SESTD1: variants seen among roughly 807,000 people sequenced by gnomAD.
The protein encoded by SESTD1 is SEC14 domain and spectrin repeat-containing protein 1.
Under a neutral mutation model 101.7 loss-of-function variants are expected in SESTD1, and 43 were observed. That is an observed-to-expected ratio of 0.42 (90% CI 0.33 to 0.55). SESTD1 has a LOEUF of 0.55. Ranked by LOEUF, SESTD1 falls within the 20% of genes least tolerant of loss-of-function variation. SESTD1 has a pLI of 0.07. For missense variants in SESTD1, 647 were observed against 815.1 expected (o/e 0.79, Z 2.51); for synonymous variants, 283 against 286.8 (o/e 0.99, Z 0.13).
intron 10 of SESTD1, among the ~76,000 whole-genome samples, chr2:179,128,566 T>C (rs1212973314): frequency 6.6e-6 from 1 of 151,806 alleles, no homozygotes; most frequent in Non-Finnish European, 1.5e-5. Context: ...CCGTCTCTAC[T>C]AAAAATACAA....
At chr2:179,151,420 T>C (rs757794386) in intron 5 of SESTD1, 29 bp from the exon 6 acceptor site, 2 of 1,516,582 alleles carry the variant, frequency 1.3e-6, no homozygotes, top group Admixed American at 4.0e-5. Flanking sequence ...AAAAGAAACA[T>C]TTAGTAACCC....
intron 1 of SESTD1, among the ~76,000 whole-genome samples, chr2:179,229,749 T>TTGAGTATATATATATA (rs1491118463): frequency 1.1e-4 from 12 of 106,362 alleles, no homozygotes; most frequent in African/African-American, 4.0e-4. Flanking sequence ...TTGTAAGAAC[T>TTGAGTATATATATATA]TATATATATA....
chr2:179,159,641 T>G (rs983750781), intron 5 of SESTD1, among the ~76,000 whole-genome samples: 3 of 152,226 alleles, frequency 2.0e-5, no homozygotes, highest in Non-Finnish European at 2.9e-5. Flanking sequence ...TGATTTTCTA[T>G]AAATTGTTTC....
At chr2:179,182,939 A>G (rs974984426) in intron 3 of SESTD1, 141 bp downstream of exon 3, 2 of 520,390 alleles carry the variant, frequency 3.8e-6, no homozygotes, top group Non-Finnish European at 3.3e-6. Context: ...GTTATAAGTC[A>G]TTGATTTTAG....
At chr2:179,196,949 C>T (rs113542039) in intron 1 of SESTD1, among the ~76,000 whole-genome samples, 8,475 of 152,298 alleles carry the variant, frequency 0.056, 303 homozygotes, top group South Asian at 0.091. Context: ...CGGAACAAAG[C>T]TGGACGGAGA....
At chr2:179,164,955 T>G (rs1456366343) in intron 5 of SESTD1, among the ~76,000 whole-genome samples, 1 of 152,202 alleles carries the variant, frequency 6.6e-6, no homozygotes, top group African/African-American at 2.4e-5. Context: ...TTTAAATATT[T>G]ACAAACACAG....
At chr2:179,232,083 A>G (rs1028079461) in intron 1 of SESTD1, among the ~76,000 whole-genome samples, 6 of 152,100 alleles carry the variant, frequency 3.9e-5, no homozygotes, top group African/African-American at 1.4e-4. Context: ...ATGGACATCA[A>G]TATTGACCAA....
At chr2:179,229,964 T>C (rs1000746839) in intron 1 of SESTD1, among the ~76,000 whole-genome samples, 2 of 150,404 alleles carry the variant, frequency 1.3e-5, no homozygotes, top group African/African-American at 4.9e-5. Flanking sequence ...GCCCTGCTCA[T>C]AGTCACACAT....
chr2:179,116,875 CAT>C, intron 14 of SESTD1, 85 bp from the exon 15 acceptor site: 4 of 1,495,374 alleles, frequency 2.7e-6, no homozygotes, highest in Non-Finnish European at 2.7e-6. Flanking sequence ...AGATTACTAT[CAT>C]GTGATTAATA....
intron 2 of SESTD1, among the ~76,000 whole-genome samples, chr2:179,186,906 T>A (rs961910996): frequency 6.6e-6 from 1 of 152,094 alleles, no homozygotes; most frequent in African/African-American, 2.4e-5. Context: ...GGGAACCCTG[T>A]CAGGCTAACA....
At chr2:179,190,721 C>G (rs752089082) in intron 2 of SESTD1, among the ~76,000 whole-genome samples, 2 of 152,060 alleles carry the variant, frequency 1.3e-5, no homozygotes, top group Non-Finnish European at 2.9e-5. Flanking sequence ...AAAAAGTGGG[C>G]AAAGGACATG....
chr2:179,210,701 T>C (rs2046639853), intron 1 of SESTD1, among the ~76,000 whole-genome samples: 1 of 134,802 alleles, frequency 7.4e-6, no homozygotes, highest in Non-Finnish European at 1.6e-5. Flanking sequence ...ATAAAAGCCT[T>C]CTATGATAAA....
intron 1 of SESTD1, among the ~76,000 whole-genome samples, chr2:179,194,617 C>A (rs1292385007): frequency 6.6e-6 from 1 of 152,086 alleles, no homozygotes; most frequent in Admixed American, 6.6e-5. Flanking sequence ...CCTGGGAGAA[C>A]GGCAATGCCT....
At position 179,215,837 on chromosome 2, in the gene SESTD1, T is replaced by C. The variant is rs1461308816; in HGVS notation, c.-25-23971A>G. Among the ~76,000 whole-genome samples, 8 of 135,330 alleles carry C rather than the reference T, an allele frequency of 5.9e-5. 3 individuals are homozygous for C. Among genetic ancestry groups the C allele is most frequent in the Non-Finnish European group, 1.1e-4 (7 of 62,894 alleles). The allele number at this position is 135,330 out of a possible 152,430, so 88.8% of individuals were successfully genotyped here. ...CCTGAGATGCAAGTCTGGTTCATCA[T>C]ATGCAAATCAATAAACGTAATCCAT... is the stretch of plus-strand genomic sequence containing the variant. On this transcript the variant is annotated intron_variant, in intron 1 of 17. Coordinates refer to ENST00000428443, the MANE Select transcript of SESTD1 (RefSeq NM_178123.5).
At chr2:179,133,699 G>A (rs1034768042) in intron 9 of SESTD1, among the ~76,000 whole-genome samples, 5 of 152,264 alleles carry the variant, frequency 3.3e-5, no homozygotes, top group Non-Finnish European at 7.4e-5. Flanking sequence ...TAGGCTTAAC[G>A]TAGAAAAGAG....
intron 1 of SESTD1, among the ~76,000 whole-genome samples, chr2:179,251,942 T>C (rs1450838820): frequency 6.6e-6 from 1 of 152,212 alleles, no homozygotes; most frequent in African/African-American, 2.4e-5. Context: ...TATTCTGTTA[T>C]AGCACCCTGA....
At position 179,101,836 on chromosome 2, in the gene SESTD1, C is replaced by A. The variant is rs567863627; in HGVS notation, c.*8063G>T. Reference sequence around the variant, plus strand: ...CTCTAACATGTAAAGTAAACATGTCCATTAATAACAAATGTACAATGTCTT... The same window carrying A: ...CTCTAACATGTAAAGTAAACATGTCAATTAATAACAAATGTACAATGTCTT... On this transcript the variant is annotated 3_prime_UTR_variant, in exon 18 of 18. Coordinates refer to ENST00000428443, the MANE Select transcript of SESTD1 (RefSeq NM_178123.5). 1 of 152,222 alleles carries A rather than the reference C, an allele frequency of 6.6e-6. No individual in the cohort carries two copies. Among genetic ancestry groups the A allele is most frequent in the African/African-American group, 2.4e-5 (1 of 41,558 alleles). 9.4% of individuals were successfully genotyped at this position (152,222 alleles called of 1,614,324 possible). A position where few individuals can be genotyped will look rare whatever the true frequency, so the allele number is the denominator to read the frequency against.
At chr2:179,166,145 T>C (rs2045830547) in intron 5 of SESTD1, among the ~76,000 whole-genome samples, 1 of 152,118 alleles carries the variant, frequency 6.6e-6, no homozygotes, top group Non-Finnish European at 1.5e-5. Context: ...AGTGTGAAAG[T>C]ACAGAACCCA....
intron 1 of SESTD1, among the ~76,000 whole-genome samples, chr2:179,234,122 CT>C (rs2047025654): frequency 6.6e-6 from 1 of 152,162 alleles, no homozygotes; most frequent in African/African-American, 2.4e-5. Context: ...AAGACTGACT[CT>C]CAGTAAGAGG....
Sources: allele counts gnomAD v4.1 joint callset (sites outside exome capture counted in the v4.1 genomes callset), GRCh38; gene constraint gnomAD v4.1.1; transcripts MANE v1.5; gene names NCBI Gene and HGNC (gene_info 2026-07-23, HGNC 2026-07-21).